ARHGEF16: variants seen among roughly 807,000 people sequenced by gnomAD.
ARHGEF16 encodes the protein Rho guanine exchange factor (GEF) 16.
Under a neutral mutation model 74.1 loss-of-function variants are expected in ARHGEF16, and 59 were observed. The ratio of observed to expected loss-of-function variants is 0.80; its 90% CI spans 0.65 to 0.99. The LOEUF (loss-of-function observed/expected upper bound fraction) is 0.99. Among genes scored for constraint, ARHGEF16 ranks in the 50% least tolerant of loss-of-function variants. The pLI, the probability that ARHGEF16 is intolerant of heterozygous loss-of-function variation, is 0.00. For synonymous variants in ARHGEF16, 415 were observed against 412.6 expected (o/e 1.01, Z -0.07); for missense variants, 948 against 986.6 (o/e 0.96, Z 0.52).
At chr1:3,461,868 G>A (rs894995895) in intron 1 of ARHGEF16, among the ~76,000 whole-genome samples, 9 of 152,212 alleles carry the variant, frequency 5.9e-5, no homozygotes, top group Non-Finnish European at 1.0e-4. Flanking sequence ...TCGAGAGCTG[G>A]CTCTCCACAT....
intron 6 of ARHGEF16, among the ~76,000 whole-genome samples, chr1:3,469,860 C>A (rs1194730232): frequency 6.6e-6 from 1 of 152,152 alleles, no homozygotes; most frequent in Admixed American, 6.5e-5. Context: ...AGGGGTACAA[C>A]CCTGCCCCAC....
intron 6 of ARHGEF16, among the ~76,000 whole-genome samples, chr1:3,471,345 C>G (rs1639716721): frequency 6.6e-6 from 1 of 152,074 alleles, no homozygotes; most frequent in Non-Finnish European, 1.5e-5. Context: ...GTGGTGGTTG[C>G]TGGCGCATTC....
chr1:3,462,727 G>A (rs1256939796), intron 1 of ARHGEF16, among the ~76,000 whole-genome samples: 1 of 152,214 alleles, frequency 6.6e-6, no homozygotes, highest in Non-Finnish European at 1.5e-5. Context: ...CTCAGTGCGT[G>A]CTGCCCATCA....
chr1:3,472,385 G>A (rs1170604238), intron 6 of ARHGEF16, among the ~76,000 whole-genome samples: 1 of 152,226 alleles, frequency 6.6e-6, no homozygotes, highest in East Asian at 1.9e-4. Flanking sequence ...CTGGGTCATG[G>A]GGAGGTGAGG....
chr1:3,466,309 T>A (rs1428202302), intron 3 of ARHGEF16, 116 bp downstream of exon 3: 3 of 1,123,300 alleles, frequency 2.7e-6, no homozygotes, highest in Admixed American at 5.8e-5. Flanking sequence ...CCAAAGCTGC[T>A]TGACAGGGTC....
Position 3,479,846 on chromosome 1 carries a change from C to T in ARHGEF16, c.1923C>T (p.Phe641=), listed in dbSNP as rs900315083. ...AGGTGGAGATCACCAAGGCCTTCTT[C>T]GCGAAGCAAGCAGACGAGGTCACAC... ...LPQVEITKAF[F]AKQADEVTLQ... The change falls in exon 14 of 15, where the codon TTC becomes TTT. Residue 641 remains phenylalanine, a synonymous_variant. Coordinates refer to ENST00000378378, the MANE Select transcript of ARHGEF16 (RefSeq NM_014448.4). The T allele has an allele frequency of 9.3e-6, 15 of 1,612,150 alleles. No individual in the cohort carries two copies. In the East Asian group the frequency reaches 1.6e-4, roughly 17 times the overall value.
chr1:3,474,398 C>G (rs1639825135), intron 8 of ARHGEF16: 1 of 374,672 alleles, frequency 2.7e-6, no homozygotes, highest in Admixed American at 3.8e-5. Context: ...CAGGGATGTG[C>G]AGAAATGGGG....
chr1:3,467,591 AC>A (rs1467815670), intron 4 of ARHGEF16, among the ~76,000 whole-genome samples: 1 of 151,890 alleles, frequency 6.6e-6, no homozygotes, highest in Admixed American at 6.6e-5. Context: ...TGCTCAGACT[AC>A]CCTTCAGGGA....
Position 3,474,698 on chromosome 1 carries a change from G to A in ARHGEF16, c.1306-10G>A. ...GGGGACTTTCTGTCCCATGTCTGTT[G>A]TCCATCCAGACGCTCTGCCTCAAGA... On this transcript the variant is annotated splice_polypyrimidine_tract_variant and intron_variant, in intron 8 of 14. Transcript: ENST00000378378. 1 of 1,612,172 alleles carries A rather than the reference G, an allele frequency of 6.2e-7. No individual in the cohort carries two copies. The highest frequency in any genetic ancestry group is 1.1e-5 in the South Asian group (1 of 91,076).
intron 2 of ARHGEF16, among the ~76,000 whole-genome samples, chr1:3,464,086 G>A (rs567569734): frequency 5.9e-4 from 90 of 152,372 alleles, no homozygotes; most frequent in African/African-American, 2.0e-3. Flanking sequence ...GGACTCAGGC[G>A]GGAGGGACTG....
Position 3,463,312 on chromosome 1 carries a change from G to A in ARHGEF16, c.228G>A (p.Glu76=), listed in dbSNP as rs1639450158. Residue 76 remains glutamate (E), a synonymous_variant, in exon 2 of 15, where the codon GAG becomes GAA. Coordinates refer to ENST00000378378, the MANE Select transcript of ARHGEF16 (RefSeq NM_014448.4). ...CATGGCCCATCGTCCTGAGCACAGA[G>A]AGCCCGGCGGCCCTCAAGCTGGGCA... ...EEPWPIVLST[E]SPAALKLGTQ... 8 of 1,550,108 alleles carry A rather than the reference G, an allele frequency of 5.2e-6. No individual in the cohort carries two copies. The highest frequency in any genetic ancestry group is 1.7e-4 in the Middle Eastern group (1 of 6,012).
intron 9 of ARHGEF16, 52 bp from the exon 10 acceptor site, chr1:3,475,909 CGTGTGGGCT>C: frequency 6.7e-7 from 1 of 1,483,270 alleles, no homozygotes; most frequent in Non-Finnish European, 9.1e-7. Flanking sequence ...CACTGTGGGC[CGTGTGGGCT>C]GTGCCAGGGC....
Position 3,480,991 on chromosome 1 carries a change from A to AGGG in ARHGEF16, c.*405_*406insGGG, listed in dbSNP as rs1219677830. On this transcript the variant is annotated 3_prime_UTR_variant, in exon 15 of 15. Coordinates refer to ENST00000378378, the MANE Select transcript of ARHGEF16 (RefSeq NM_014448.4). Reference sequence around the variant, plus strand: ...GCCCTTCCTACCCCTGAGTGGGACAAGAAGGGCCCTGAGTGCCCAGGAGTG... The same window carrying AGGG: ...GCCCTTCCTACCCCTGAGTGGGACAAGGGGAAGGGCCCTGAGTGCCCAGGAGTG... 1.5e-5 allele frequency: 3 copies of AGGG among 193,764 alleles called. No individual in the cohort carries two copies. Among genetic ancestry groups the AGGG allele is most frequent in the African/African-American group, 7.0e-5 (3 of 42,854 alleles). The allele number at this position is 193,764 out of a possible 1,614,324, so 12.0% of individuals were successfully genotyped here.
In ARHGEF16 at chr1:3,479,539, G is replaced by A. The variant is rs139869522; in HGVS notation, c.1837G>A (p.Val613Met). ...DSASDRARWI[V>M]ALTHSERQWQ... ...CAGGAGTGACCGGGCACGGTGGATCGTGGCGCTCACACACAGTGAGAGACA... is the reference window on the plus strand; with the variant it reads ...CAGGAGTGACCGGGCACGGTGGATCATGGCGCTCACACACAGTGAGAGACA... The change falls in exon 13 of 15, where the codon GTG becomes ATG. Residue 613 changes from valine (V) to methionine (M), a missense_variant. Physicochemically the swap from Val to Met is conservative, Grantham distance 21. Coordinates refer to ENST00000378378, the MANE Select transcript of ARHGEF16 (RefSeq NM_014448.4). 1.7e-5 allele frequency: 27 copies of A among 1,612,492 alleles called. No individual in the cohort carries two copies. The highest frequency in any genetic ancestry group is 2.2e-5 in the East Asian group (1 of 44,884).
In ARHGEF16 at chr1:3,469,553, C is replaced by T. The variant is rs1639647409; in HGVS notation, c.982C>T (p.Leu328Phe). ...CGTGACCCAGATGGAGCACCACCAC[C>T]TCTTCTCCAACATCCTGGATGTCCT... ...ATVTQMEHHHLFSNILDVLGA... is the reference protein window; with the variant it reads ...ATVTQMEHHHFFSNILDVLGA... The change falls in exon 6 of 15, where the codon CTC becomes TTC. Residue 328 changes from leucine to phenylalanine, a missense_variant. Physicochemically the swap from Leu to Phe is conservative, Grantham distance 22 (BLOSUM62 0). Transcript: ENST00000378378. The T allele has an allele frequency of 6.2e-7, 1 of 1,613,006 alleles. No homozygotes were observed. The highest frequency in any genetic ancestry group is 1.3e-5 in the African/African-American group (1 of 74,932).
At chr1:3,472,886 C>CCCCCCCCCT in intron 6 of ARHGEF16, 192 bp from the exon 7 acceptor site, 2 of 239,960 alleles carry the variant, frequency 8.3e-6, no homozygotes, top group Non-Finnish European at 8.3e-6. Context: ...CCCACCCGCC[C>CCCCCCCCCT]TCCCTGCTGT....
intron 12 of ARHGEF16, among the ~76,000 whole-genome samples, chr1:3,479,131 GCA>G (rs1283570363): frequency 6.6e-6 from 1 of 152,226 alleles, no homozygotes; most frequent in Non-Finnish European, 1.5e-5. Context: ...TGGAAGCCAG[GCA>G]CACAGGTGCG....
In ARHGEF16 at chr1:3,480,872, T is replaced by TC. The variant is rs1313479748; in HGVS notation, c.*289dup. ...GGCCCCTCAGCTGCTGGGCCCCACC[T>TC]CCCCACTGCACCCAGGGGGCAACTC... On this transcript the variant is annotated 3_prime_UTR_variant, in exon 15 of 15. Transcript: ENST00000378378. 2.0e-6 allele frequency: 1 copy of TC among 501,190 alleles called. No individual in the cohort carries two copies. The allele number at this position is 501,190 out of a possible 1,614,324, so 31.0% of individuals were successfully genotyped here. A position where few individuals can be genotyped will look rare whatever the true frequency, so the allele number is the denominator to read the frequency against.
At chr1:3,461,747 G>C (rs545531435) in intron 1 of ARHGEF16, among the ~76,000 whole-genome samples, 1 of 152,220 alleles carries the variant, frequency 6.6e-6, no homozygotes, top group Non-Finnish European at 1.5e-5. Context: ...CCTGGAGGCC[G>C]TGTCGGCTGG....
Sources: gnomAD v4.1 joint callset for allele counts (sites outside exome capture counted in the v4.1 genomes callset) on GRCh38, gnomAD v4.1.1 for gene constraint, MANE v1.5 for transcripts, NCBI Gene and HGNC (gene_info 2026-07-23, HGNC 2026-07-21) for gene names.